The following DHRSX variants were observed in gnomAD, a reference collection of about 807,000 sequenced individuals.
DHRSX encodes the protein polyprenol dehydrogenase.
A neutral mutation model predicts 34.0 loss-of-function variants in DHRSX; 31 were observed. The observed-to-expected ratio is 0.91, with a 90% CI of 0.69 to 1.23. The LOEUF is 1.23. Ranked by LOEUF, DHRSX falls within the 50% of genes most tolerant of loss-of-function variation. The probability of loss-of-function intolerance (pLI) is 0.00; values close to 1 mark genes in which losing one functional copy is unlikely to be tolerated. For missense variants in DHRSX, 414 were observed against 428.1 expected (o/e 0.97, Z 0.29); for synonymous variants, 201 against 183.8 (o/e 1.09, Z -0.76).
At chrX:2,362,637 G>T (rs754561135) in intron 3 of DHRSX, among the ~76,000 whole-genome samples, 12 of 152,326 alleles carry the variant, frequency 7.9e-5, no homozygotes, top group Admixed American at 3.9e-4. Flanking sequence ...AGGTGGAGGA[G>T]TTGAACACTG....
intron 1 of DHRSX, chrX:2,487,191 G>C (rs1332172072): frequency 6.6e-6 from 1 of 152,156 alleles, no homozygotes; most frequent in Admixed American, 6.5e-5. Context: ...ACCCCTCCGG[G>C]GGCAATATTT....
At chrX:2,474,053 G>T (rs2044634868) in intron 1 of DHRSX, among the ~76,000 whole-genome samples, 1 of 151,982 alleles carries the variant, frequency 6.6e-6, no homozygotes, top group Non-Finnish European at 1.5e-5. Flanking sequence ...CCTGGGATGG[G>T]CGGTGACAGA....
chrX:2,243,308 C>T (rs1010152155), intron 5 of DHRSX, 78 bp from the exon 6 acceptor site: 37 of 1,342,088 alleles, frequency 2.8e-5, no homozygotes, highest in Non-Finnish European at 3.6e-5. Context: ...GCATCTGTAC[C>T]TGCGGCCACG....
At chrX:2,437,696 AGAGTGTGTGTGTGTGTGTGT>A (rs2044011643) in intron 1 of DHRSX, among the ~76,000 whole-genome samples, 3 of 92,266 alleles carry the variant, frequency 3.3e-5, no homozygotes, top group Middle Eastern at 6.6e-3. Context: ...AGAGAGAGAG[AGAGTGTGTGTGTGTGTGTGT>A]GTGTGTGTGT....
chrX:2,479,276 A>T (rs1485440020), intron 1 of DHRSX, among the ~76,000 whole-genome samples: 2 of 149,602 alleles, frequency 1.3e-5, no homozygotes, highest in Non-Finnish European at 3.0e-5. Context: ...CACTGAAGAC[A>T]TTCCCTAAGC....
intron 1 of DHRSX, among the ~76,000 whole-genome samples, chrX:2,485,782 A>G (rs2044893911): frequency 4.9e-5 from 1 of 20,384 alleles, no homozygotes; most frequent in Admixed American, 7.3e-4. Flanking sequence ...GAAGGGAGAA[A>G]AGGGAGAGAA....
chrX:2,259,327 T>C (rs1332368452), intron 5 of DHRSX, among the ~76,000 whole-genome samples: 3 of 146,350 alleles, frequency 2.0e-5, no homozygotes, highest in African/African-American at 7.4e-5. Context: ...TATAGATAGA[T>C]ATAGATATAT....
intron 4 of DHRSX, among the ~76,000 whole-genome samples, chrX:2,283,503 G>C (rs180777890): frequency 2.0e-5 from 3 of 152,158 alleles, no homozygotes; most frequent in Admixed American, 6.5e-5. Context: ...AGGGAGACCA[G>C]ATGACTGTGG....
intron 6 of DHRSX, among the ~76,000 whole-genome samples, chrX:2,227,603 A>C (rs1269030198): frequency 1.5e-5 from 2 of 135,610 alleles, no homozygotes; most frequent in Non-Finnish European, 3.2e-5. Flanking sequence ...AGAAAAAAAA[A>C]CAGGAAGGAA....
chrX:2,365,802 TG>T (rs1227972730), intron 3 of DHRSX, among the ~76,000 whole-genome samples: 1 of 150,964 alleles, frequency 6.6e-6, no homozygotes, highest in African/African-American at 2.4e-5. Context: ...TGTCGGGAGG[TG>T]GGGGGCAAGG....
intron 1 of DHRSX, among the ~76,000 whole-genome samples, chrX:2,459,798 G>A (rs1250195139): frequency 6.6e-6 from 1 of 151,908 alleles, no homozygotes; most frequent in Non-Finnish European, 1.5e-5. Context: ...AAGGATTCCA[G>A]TTATGTGCTC....
chrX:2,285,817 C>A (rs1305955376), intron 4 of DHRSX, among the ~76,000 whole-genome samples: 2 of 152,180 alleles, frequency 1.3e-5, no homozygotes, highest in Non-Finnish European at 2.9e-5. Context: ...AAGAAGAATT[C>A]TGATGCACAA....
intron 1 of DHRSX, among the ~76,000 whole-genome samples, chrX:2,459,579 T>TATATATATATAC (rs1178347741): frequency 1.6e-5 from 2 of 127,924 alleles, no homozygotes; most frequent in Non-Finnish European, 3.3e-5. Context: ...TATATATATA[T>TATATATATATAC]ACACACACAT....
intron 4 of DHRSX, among the ~76,000 whole-genome samples, chrX:2,276,734 A>T (rs778471240): frequency 2.9e-4 from 41 of 142,054 alleles, no homozygotes; most frequent in African/African-American, 1.0e-3. Flanking sequence ...AAGGGCAATC[A>T]GAGAGAGAGA....
At chrX:2,486,774 T>C (rs1349064950) in intron 1 of DHRSX, 1 of 152,254 alleles carries the variant, frequency 6.6e-6, no homozygotes, top group Non-Finnish European at 1.5e-5. Flanking sequence ...GCGGAACCGC[T>C]TCCCTTAAAA....
At chrX:2,455,106 C>T (rs1431374565) in intron 1 of DHRSX, among the ~76,000 whole-genome samples, 2 of 122,556 alleles carry the variant, frequency 1.6e-5, no homozygotes, top group Non-Finnish European at 3.3e-5. Flanking sequence ...GAGGGAAACC[C>T]CATCTCAAAA....
chrX:2,243,317 C>A (rs1161105354), intron 5 of DHRSX, 87 bp from the exon 6 acceptor site: 2 of 1,214,334 alleles, frequency 1.6e-6, no homozygotes, highest in African/African-American at 3.0e-5. Context: ...CCTGCGGCCA[C>A]GGCCACGTCT....
chrX:2,411,039 G>A (rs1296653368), intron 2 of DHRSX, among the ~76,000 whole-genome samples: 6 of 152,046 alleles, frequency 3.9e-5, no homozygotes, highest in Non-Finnish European at 8.8e-5. Flanking sequence ...GGAGGGAGAG[G>A]AAGAAATAGC....
intron 6 of DHRSX, among the ~76,000 whole-genome samples, chrX:2,232,868 G>T (rs770081417): frequency 3.9e-5 from 6 of 152,080 alleles, no homozygotes; most frequent in African/African-American, 1.4e-4. Flanking sequence ...CATCGTGCCC[G>T]ACCCAAGAAT....
Sources: gnomAD v4.1 joint callset for allele counts (sites outside exome capture counted in the v4.1 genomes callset) on GRCh38, gnomAD v4.1.1 for gene constraint, MANE v1.5 for transcripts, NCBI Gene and HGNC (gene_info 2026-07-23, HGNC 2026-07-21) for gene names.